The following PRRG1 variants were observed in gnomAD, a reference collection of about 807,000 sequenced individuals.
The protein encoded by PRRG1 is transmembrane gamma-carboxyglutamic acid protein 1.
Under a neutral mutation model 11.8 loss-of-function variants are expected in PRRG1, and 5 were observed. The ratio of observed to expected loss-of-function variants is 0.42; its 90% CI spans 0.22 to 0.89. The LOEUF (loss-of-function observed/expected upper bound fraction) is 0.89, where lower values mean the gene tolerates loss of function less well. Among genes scored for constraint, PRRG1 ranks in the 40% least tolerant of loss-of-function variants. The pLI is 0.28. For synonymous variants in PRRG1, 66 were observed against 60.4 expected, an observed-to-expected ratio of 1.09 and a Z score of -0.43; for missense variants, 155 against 166.1, an observed-to-expected ratio of 0.93 and a Z score of 0.37.
chrX:37,431,928 C>T (rs186032927), intron 3 of PRRG1, among the ~76,000 whole-genome samples: 20 of 107,695 alleles, frequency 1.9e-4, no homozygotes, highest in East Asian at 5.8e-4. Flanking sequence ...CCACCATGTC[C>T]GGCTTTATAT....
At chrX:37,403,030 T>C (rs1235853117) in intron 1 of PRRG1, among the ~76,000 whole-genome samples, 2 of 110,259 alleles carry the variant, frequency 1.8e-5, no homozygotes, top group East Asian at 5.7e-4. Context: ...ACACTGTTGG[T>C]GGGACTGTAA....
intron 1 of PRRG1, among the ~76,000 whole-genome samples, chrX:37,388,703 G>C (rs907710986): frequency 8.8e-6 from 1 of 113,117 alleles, no homozygotes; most frequent in Non-Finnish European, 1.9e-5. Flanking sequence ...TGTGATAGGA[G>C]GGGCTGCCAT....
At chrX:37,355,647 G>A (rs1930212624) in intron 1 of PRRG1, among the ~76,000 whole-genome samples, 1 of 111,230 alleles carries the variant, frequency 9.0e-6, no homozygotes, top group Non-Finnish European at 1.9e-5. Context: ...AAAGAGAGGA[G>A]AAAGGAGTGA....
chrX:37,414,353 A>G (rs1932432224), intron 2 of PRRG1, among the ~76,000 whole-genome samples: 1 of 112,336 alleles, frequency 8.9e-6, no homozygotes, highest in South Asian at 3.7e-4. Context: ...AGTTGAGTCT[A>G]AAGGAGAGCA....
chrX:37,355,705 T>C (rs1930213985), intron 1 of PRRG1, among the ~76,000 whole-genome samples: 1 of 111,981 alleles, frequency 8.9e-6, no homozygotes, highest in African/African-American at 3.2e-5. Flanking sequence ...AAGAACTCTC[T>C]TTAAGGGAGG....
chrX:37,424,361 A>C (rs1932747254), intron 2 of PRRG1, among the ~76,000 whole-genome samples: 1 of 110,988 alleles, frequency 9.0e-6, no homozygotes, highest in Non-Finnish European at 1.9e-5. Flanking sequence ...GCCCTACCTC[A>C]GATCTATGGC....
At chrX:37,355,227 A>C (rs73203192) in intron 1 of PRRG1, among the ~76,000 whole-genome samples, 3,003 of 111,149 alleles carry the variant, frequency 0.027, 49 homozygotes, top group Non-Finnish European at 0.043. Flanking sequence ...ACATAGAGGT[A>C]ATGGTTCTTA....
intron 1 of PRRG1, among the ~76,000 whole-genome samples, chrX:37,404,823 C>T (rs1556381537): frequency 9.0e-6 from 1 of 111,668 alleles, no homozygotes; most frequent in African/African-American, 3.3e-5. Context: ...GAATCCAGCC[C>T]CCTTGACTTC....
At chrX:37,356,327 T>C (rs1556366176) in intron 1 of PRRG1, among the ~76,000 whole-genome samples, 1 of 111,452 alleles carries the variant, frequency 9.0e-6, no homozygotes, top group African/African-American at 3.3e-5. Context: ...AAGACTTCAC[T>C]GTCAGCAAAG....
intron 1 of PRRG1, among the ~76,000 whole-genome samples, chrX:37,355,017 T>C (rs1930193595): frequency 9.0e-6 from 1 of 110,682 alleles, no homozygotes; most frequent in Non-Finnish European, 1.9e-5. Context: ...GCTCAAGCAA[T>C]CCTCCCACCT....
At chrX:37,367,701 G>T (rs1359973037) in intron 1 of PRRG1, among the ~76,000 whole-genome samples, 1 of 111,685 alleles carries the variant, frequency 9.0e-6, no homozygotes, top group East Asian at 2.8e-4. Context: ...TGGTTATTGT[G>T]GCTGGTCCTA....
chrX:37,454,086 T>A lies in PRRG1; in HGVS notation c.*465T>A, dbSNP rs1921262758. On this transcript the variant is annotated 3_prime_UTR_variant, in exon 4 of 4. Coordinates refer to ENST00000378628, the MANE Select transcript of PRRG1 (RefSeq NM_001142395.2). ...TTGCAAACTGGATGTACTTAGCATGTTTTCTAATTCTGACTGGCTTTTGTT... is the reference window on the plus strand; with the variant it reads ...TTGCAAACTGGATGTACTTAGCATGATTTCTAATTCTGACTGGCTTTTGTT... 1 of 112,562 alleles carries A rather than the reference T, an allele frequency of 8.9e-6. No individual in the cohort carries two copies. The highest frequency in any genetic ancestry group is 1.9e-5 in the Non-Finnish European group (1 of 53,509). 9.3% of individuals were successfully genotyped at this position (112,562 alleles called of 1,213,427 possible).
intron 3 of PRRG1, among the ~76,000 whole-genome samples, chrX:37,451,192 A>G (rs1339839533): frequency 9.0e-6 from 1 of 111,048 alleles, no homozygotes; most frequent in Admixed American, 9.5e-5. Flanking sequence ...CTAATTTTGT[A>G]TTTTTAGTAC....
chrX:37,387,621 G>A (rs1931371348), intron 1 of PRRG1, among the ~76,000 whole-genome samples: 1 of 110,999 alleles, frequency 9.0e-6, no homozygotes, highest in South Asian at 3.9e-4. Context: ...AGCACCAAGG[G>A]ATGGTGCTAA....
At chrX:37,376,142 A>G (rs1333755227) in intron 1 of PRRG1, among the ~76,000 whole-genome samples, 1 of 111,237 alleles carries the variant, frequency 9.0e-6, no homozygotes, top group Non-Finnish European at 1.9e-5. Context: ...AATGAAAGTC[A>G]GGTTTTCATG....
chrX:37,418,487 TG>T (rs1353860553), intron 2 of PRRG1, among the ~76,000 whole-genome samples: 1 of 112,278 alleles, frequency 8.9e-6, no homozygotes, highest in Non-Finnish European at 1.9e-5. Context: ...TATACAATAC[TG>T]GGAAAAAATT....
chrX:37,374,994 T>G (rs1188042741), intron 1 of PRRG1, among the ~76,000 whole-genome samples: 1 of 112,404 alleles, frequency 8.9e-6, no homozygotes, highest in Non-Finnish European at 1.9e-5. Flanking sequence ...TTTAGTATTT[T>G]CTGTAGCTGT....
chrX:37,440,556 A>G (rs1232766130), intron 3 of PRRG1, among the ~76,000 whole-genome samples: 1 of 112,200 alleles, frequency 8.9e-6, no homozygotes, highest in Non-Finnish European at 1.9e-5. Flanking sequence ...AAGAGATGAT[A>G]AAGAAGTAGT....
intron 3 of PRRG1, among the ~76,000 whole-genome samples, chrX:37,433,226 C>T (rs1389495288): frequency 1.8e-5 from 2 of 111,610 alleles, no homozygotes; most frequent in East Asian, 5.6e-4. Flanking sequence ...CAGAATCACC[C>T]ACCAGGTACT....
Sources: gnomAD v4.1 joint callset for allele counts (sites outside exome capture counted in the v4.1 genomes callset) on GRCh38, gnomAD v4.1.1 for gene constraint, MANE v1.5 for transcripts, NCBI Gene and HGNC (gene_info 2026-07-23, HGNC 2026-07-21) for gene names.